Variants in RUNX2 observed in about 807,000 individuals in gnomAD.
RUNX2 encodes the protein runt-related transcription factor 2.
RUNX2 carries 10 observed loss-of-function variants against 51.7 expected under a neutral mutation model. The ratio of observed to expected loss-of-function variants is 0.19; its 90% CI spans 0.12 to 0.33. The LOEUF (loss-of-function observed/expected upper bound fraction) is 0.33, where lower values mean the gene tolerates loss of function less well. Ranked by LOEUF, RUNX2 falls within the 10% of genes least tolerant of loss-of-function variation. RUNX2 has a pLI of 1.00. For synonymous variants in RUNX2, 276 were observed against 273.6 expected (o/e 1.01, Z -0.09); for missense variants, 562 against 691.3 (o/e 0.81, Z 2.10).
intron 2 of RUNX2, among the ~76,000 whole-genome samples, chr6:45,417,371 T>G (rs1334737074): frequency 1.3e-5 from 2 of 152,174 alleles, no homozygotes; most frequent in African/African-American, 4.8e-5. Flanking sequence ...GTAAGAAAAT[T>G]GTTCTTAAGG....
chr6:45,336,098 T>C (rs529078835), intron 2 of RUNX2, among the ~76,000 whole-genome samples: 1 of 151,502 alleles, frequency 6.6e-6, no homozygotes, highest in South Asian at 2.1e-4. Context: ...TAAACTCCAG[T>C]GTCCACCCAG....
chr6:45,461,882 AC>A (rs1799487675), intron 5 of RUNX2, among the ~76,000 whole-genome samples: 1 of 152,032 alleles, frequency 6.6e-6, no homozygotes, highest in Admixed American at 6.6e-5. Flanking sequence ...GGTTGCTGCA[AC>A]TTTTTTTTAA....
chr6:45,422,823 C>T lies in RUNX2; in HGVS notation c.289C>T (p.His97Tyr). The T allele has an allele frequency of 1.2e-6, 2 of 1,604,456 alleles. No individual in the cohort carries two copies. The highest frequency in any genetic ancestry group is 1.7e-5 in the Admixed American group (1 of 59,522). ...TGCAGTGCCCCGGTTGCGGCCGCCC[C>T]ACGACAACCGCACCATGGTGGAGAT... is the stretch of plus-strand genomic sequence containing the variant. ...AAAVPRLRPP[H>Y]DNRTMVEIIA... The change falls in exon 3 of 9, where the codon CAC (histidine) becomes TAC (tyrosine). Residue 97 changes from histidine (H) to tyrosine (Y), a missense_variant. This residue lies in a region of RUNX2 where 153 missense variants were observed against 144.8 expected (regional missense o/e 1.06). Transcript: ENST00000647337.
chr6:45,439,197 C>G (rs1206102105), intron 5 of RUNX2, among the ~76,000 whole-genome samples: 1 of 152,146 alleles, frequency 6.6e-6, no homozygotes, highest in Non-Finnish European at 1.5e-5. Flanking sequence ...GGTTTCCTGC[C>G]TCAAAAGCAA....
intron 5 of RUNX2, among the ~76,000 whole-genome samples, chr6:45,484,771 C>T (rs961414638): frequency 3.9e-5 from 6 of 152,168 alleles, no homozygotes; most frequent in Admixed American, 6.5e-5. Context: ...AATTAGTCAA[C>T]CTGTTCCCTA....
At chr6:45,471,828 G>T (rs927779986) in intron 5 of RUNX2, among the ~76,000 whole-genome samples, 1 of 152,244 alleles carries the variant, frequency 6.6e-6, no homozygotes, top group Non-Finnish European at 1.5e-5. Flanking sequence ...TCTATTAATG[G>T]TTAATTTCTC....
chr6:45,453,651 G>A (rs571330318), intron 5 of RUNX2, among the ~76,000 whole-genome samples: 2 of 152,324 alleles, frequency 1.3e-5, no homozygotes, highest in South Asian at 4.1e-4. Context: ...AATGCCTAAA[G>A]CACAATCAAG....
intron 7 of RUNX2, among the ~76,000 whole-genome samples, chr6:45,524,334 T>A (rs2150433071): frequency 6.6e-6 from 1 of 152,338 alleles, no homozygotes; most frequent in African/African-American, 2.4e-5. Flanking sequence ...GATTTTTTTT[T>A]AAGTAGAAAC....
At chr6:45,333,112 A>G (rs776918176) in intron 2 of RUNX2, among the ~76,000 whole-genome samples, 1 of 151,736 alleles carries the variant, frequency 6.6e-6, no homozygotes, top group Non-Finnish European at 1.5e-5. Flanking sequence ...AGATGTTAGT[A>G]TCTTAAAACA....
At chr6:45,543,220 C>T (rs900113369) in intron 7 of RUNX2, among the ~76,000 whole-genome samples, 2 of 152,164 alleles carry the variant, frequency 1.3e-5, no homozygotes, top group African/African-American at 4.8e-5. Flanking sequence ...CTAGTAACTC[C>T]TGGCAGTCCC....
rs1404379586 is a variant in RUNX2 at position 45,399,859 on chromosome 6, G to A, written c.59-22734G>A. 3.4e-5 allele frequency among the ~76,000 whole-genome samples: 5 copies of A among 146,016 alleles called. No individual in the cohort carries two copies. In the East Asian group the frequency reaches 6.3e-4, roughly 18 times the overall value. On this transcript the variant is annotated intron_variant, in intron 2 of 8. Coordinates refer to ENST00000647337, the MANE Select transcript of RUNX2 (RefSeq NM_001024630.4). ...GGAAGGAAGGAAAGAAGGAGGGAGGGAGATTGAATATAATACATTCTTATT... is the reference window on the plus strand; with the variant it reads ...GGAAGGAAGGAAAGAAGGAGGGAGGAAGATTGAATATAATACATTCTTATT...
intron 5 of RUNX2, among the ~76,000 whole-genome samples, chr6:45,482,311 C>T (rs928558476): frequency 3.9e-5 from 6 of 152,148 alleles, no homozygotes; most frequent in Admixed American, 6.5e-5. Flanking sequence ...ACTGTAAGCA[C>T]GTGTTTATTA....
chr6:45,423,143 C>T (rs1229476277), intron 3 of RUNX2, among the ~76,000 whole-genome samples, 186 bp downstream of exon 3: 2 of 152,006 alleles, frequency 1.3e-5, no homozygotes, highest in Admixed American at 1.3e-4. Context: ...TCAGTCCCTC[C>T]GCGCAAATCC....
At chr6:45,407,895 T>G (rs1364665518) in intron 2 of RUNX2, among the ~76,000 whole-genome samples, 1 of 152,200 alleles carries the variant, frequency 6.6e-6, no homozygotes, top group Non-Finnish European at 1.5e-5. Context: ...GTACATAAAT[T>G]GAAATTGCAA....
At chr6:45,348,674 C>CAAA (rs574845659) in intron 2 of RUNX2, among the ~76,000 whole-genome samples, 1 of 76,018 alleles carries the variant, frequency 1.3e-5, no homozygotes, top group Non-Finnish European at 2.4e-5. Flanking sequence ...AACTCCAACT[C>CAAA]AAAAAAAAAA....
At chr6:45,333,078 T>A (rs1469546550) in intron 2 of RUNX2, among the ~76,000 whole-genome samples, 1 of 151,756 alleles carries the variant, frequency 6.6e-6, no homozygotes, top group Non-Finnish European at 1.5e-5. Context: ...GTCTAAAGCA[T>A]GTGAAAATTC....
intron 2 of RUNX2, chr6:45,421,591 G>C (rs565628738): frequency 4.6e-5 from 7 of 152,390 alleles, no homozygotes; most frequent in African/African-American, 1.7e-4. Context: ...AATAGCGACA[G>C]TCAGATCAGC....
rs1310809057 is a variant in RUNX2, at chr6:45,344,728, A to G, written c.58+15944A>G. ...GGCTAGGAAAGCCTAGAGAAAAAAA[A>G]TCCTAAATATGAAAGGTGAGTCTGC... On this transcript the variant is annotated intron_variant, in intron 2 of 8. Coordinates refer to ENST00000647337, the MANE Select transcript of RUNX2 (RefSeq NM_001024630.4). Among the ~76,000 whole-genome samples, 12 of 152,304 alleles carry G rather than the reference A, an allele frequency of 7.9e-5. No individual in the cohort carries two copies. In the East Asian group the frequency reaches 1.4e-3, roughly 17 times the overall value.
intron 7 of RUNX2, among the ~76,000 whole-genome samples, chr6:45,519,626 A>G (rs574971640): frequency 2.2e-4 from 33 of 151,686 alleles, no homozygotes; most frequent in Non-Finnish European, 4.3e-4. Context: ...TTCCAGTGTT[A>G]TATAGTTGGA....
Sources: allele counts gnomAD v4.1 joint callset (sites outside exome capture counted in the v4.1 genomes callset), GRCh38; gene constraint gnomAD v4.1.1; regional missense constraint gnomAD v4.1.1; transcripts MANE v1.5; gene names NCBI Gene and HGNC (gene_info 2026-07-23, HGNC 2026-07-21).